Variants in CEP70 observed in about 807,000 individuals in gnomAD.
CEP70 encodes centrosomal protein of 70 kDa.
Under a neutral mutation model 90.9 loss-of-function variants are expected in CEP70, and 70 were observed. The observed-to-expected ratio is 0.77, with a 90% CI of 0.64 to 0.94. The LOEUF (loss-of-function observed/expected upper bound fraction) is 0.94. Among genes scored for constraint, CEP70 ranks in the 40% least tolerant of loss-of-function variants. The pLI is 0.00. For synonymous variants in CEP70, 220 were observed against 228.3 expected (o/e 0.96, Z 0.33); for missense variants, 648 against 669.0 (o/e 0.97, Z 0.35).
chr3:138,525,444 TA>T (rs780083039), intron 11 of CEP70, 45 bp downstream of exon 11: 5 of 703,628 alleles, frequency 7.1e-6, no homozygotes, highest in East Asian at 3.1e-5. Context: ...ATAAATAAAA[TA>T]AAAAATCCTA....
rs140361524 is a variant in CEP70, at chr3:138,532,549, G to T, written c.657C>A (p.Tyr219Ter). The T allele has an allele frequency of 6.6e-7, 1 of 1,508,128 alleles. No homozygotes were observed. The highest frequency in any genetic ancestry group is 8.9e-7 in the Non-Finnish European group (1 of 1,127,148). 93.4% of individuals were successfully genotyped at this position (1,508,128 alleles called of 1,614,324 possible). ...LDRQLLCLID[Y>*]YESKIRKIHT... ...GAATTTTTCTAATTTTAGATTCATA[G>T]TAATCAATTAGACAAAGCAACCTAG... is the stretch of plus-strand genomic sequence containing the variant. Residue 219 changes from tyrosine to a stop codon, truncating the protein, a stop_gained, in exon 8 of 18, where the codon TAC becomes TAA. Coordinates refer to ENST00000264982, the MANE Select transcript of CEP70 (RefSeq NM_024491.4). LOFTEE classifies it high-confidence loss of function.
At chr3:138,532,730 A>G (rs1435517062) in intron 7 of CEP70, among the ~76,000 whole-genome samples, 160 bp from the exon 8 acceptor site, 2 of 152,254 alleles carry the variant, frequency 1.3e-5, no homozygotes, top group African/African-American at 2.4e-5. Flanking sequence ...CAAATACTAT[A>G]CTAAGTCATA....
intron 6 of CEP70, among the ~76,000 whole-genome samples, chr3:138,546,123 T>C (rs1019646160): frequency 1.3e-5 from 2 of 152,136 alleles, no homozygotes; most frequent in Non-Finnish European, 1.5e-5. Flanking sequence ...GCTCAGGACA[T>C]CATGGACCTA....
chr3:138,585,092 T>C (rs2042047122), intron 2 of CEP70, among the ~76,000 whole-genome samples: 2 of 152,112 alleles, frequency 1.3e-5, no homozygotes, highest in Admixed American at 6.6e-5. Flanking sequence ...CATCAAAATT[T>C]GAAATCAAAT....
Position 138,537,251 on chromosome 3 carries a change from C to T in CEP70, c.562G>A (p.Asp188Asn), listed in dbSNP as rs368223946. ...EVCRLKKEEE[D>N]RIVTQNRVFA... ...ACTCTGTTTTGAGTGACAATGCGAT[C>T]TTCTTCCTCCTTTTTTAATCTACAG... Residue 188 changes from aspartate to asparagine, a missense_variant, in exon 7 of 18, where the codon GAT becomes AAT. Coordinates refer to ENST00000264982, the MANE Select transcript of CEP70 (RefSeq NM_024491.4). 2.5e-6 allele frequency: 4 copies of T among 1,607,670 alleles called. No individual in the cohort carries two copies. The African/African-American group carries it at 4.0e-5, about 16-fold the overall frequency.
At chr3:138,513,115 T>A (rs537464105) in intron 11 of CEP70, among the ~76,000 whole-genome samples, 2 of 152,298 alleles carry the variant, frequency 1.3e-5, no homozygotes, top group East Asian at 1.9e-4. Flanking sequence ...CACAGGTAAT[T>A]ACAAAGGCTC....
chr3:138,508,550 AGGGGG>A lies in CEP70; in HGVS notation c.945-11_945-7del. 1 of 1,553,632 alleles carries A rather than the reference AGGGGG, an allele frequency of 6.4e-7. No individual in the cohort carries two copies. Among genetic ancestry groups the A allele is most frequent in the Admixed American group, 1.7e-5 (1 of 59,860 alleles). On this transcript the variant is annotated splice_region_variant and splice_polypyrimidine_tract_variant and intron_variant, in intron 11 of 17. Transcript: ENST00000264982. ...GATTAATAAGCTCCTGTAATCTAAA[AGGGGG>A]AAAAAAATCAAGATAATACAAAATT... is the stretch of plus-strand genomic sequence containing the variant.
At chr3:138,566,670 G>A (rs1319585254) in intron 6 of CEP70, among the ~76,000 whole-genome samples, 2 of 152,038 alleles carry the variant, frequency 1.3e-5, no homozygotes, top group Non-Finnish European at 2.9e-5. Context: ...GGGGCTTGGG[G>A]GCTAGGGGAG....
rs1374865437 is a variant in CEP70 at position 138,591,936 on chromosome 3, T to A, written c.-88A>T. On this transcript the variant is annotated 5_prime_UTR_variant, in exon 2 of 18. The change abolishes an upstream ATG in the 5' untranslated region. Coordinates refer to ENST00000264982, the MANE Select transcript of CEP70 (RefSeq NM_024491.4). ...TGAAATGATCACCCAACGAGTCTCA[T>A]GTCTGAAACTGGATCTTCATCTAGG... 3 of 1,110,440 alleles carry A rather than the reference T, an allele frequency of 2.7e-6. No homozygotes were observed. The African/African-American group carries it at 4.9e-5, about 18-fold the overall frequency. The allele number at this position is 1,110,440 out of a possible 1,614,324, so 68.8% of individuals were successfully genotyped here.
intron 11 of CEP70, among the ~76,000 whole-genome samples, chr3:138,517,874 C>T (rs532599498): frequency 3.9e-5 from 6 of 152,300 alleles, no homozygotes; most frequent in African/African-American, 1.4e-4. Context: ...TGAGCCGAAG[C>T]AGGGCAAGGC....
intron 6 of CEP70, among the ~76,000 whole-genome samples, chr3:138,540,077 A>T (rs1254109404): frequency 1.3e-5 from 2 of 152,250 alleles, no homozygotes. Flanking sequence ...CAAAGGTCTA[A>T]CGGCCAGCAT....
At position 138,556,247 on chromosome 3, in the gene CEP70, G is replaced by A. The variant is rs115742003; in HGVS notation, c.465+14071C>T. ...TGCAAAGGCATGAGAAAGATACAAC[G>A]GGCCGGGCACGGTGGCTCACGCCTG... On this transcript the variant is annotated intron_variant, in intron 6 of 17. Transcript: ENST00000264982. Among the ~76,000 whole-genome samples the A allele has an allele frequency of 7.2e-5, 11 of 152,230 alleles. No individual in the cohort carries two copies. In the East Asian group the frequency reaches 9.6e-4, roughly 13 times the overall value.
intron 17 of CEP70, chr3:138,495,829 G>A: frequency 4.2e-6 from 4 of 950,304 alleles, no homozygotes; most frequent in Non-Finnish European, 5.0e-6. Flanking sequence ...TCTGGCCTGG[G>A]TGACAGAGAG....
At chr3:138,524,168 C>T (rs1309775756) in intron 11 of CEP70, among the ~76,000 whole-genome samples, 1 of 151,118 alleles carries the variant, frequency 6.6e-6, no homozygotes, top group Non-Finnish European at 1.5e-5. Flanking sequence ...AACTGGCTAG[C>T]CATATGTAGA....
chr3:138,567,769 C>T (rs1240401927), intron 6 of CEP70, among the ~76,000 whole-genome samples: 1 of 152,176 alleles, frequency 6.6e-6, no homozygotes, highest in Non-Finnish European at 1.5e-5. Context: ...CTAGCAACCT[C>T]TTTAAGCCCA....
At chr3:138,523,787 T>C (rs2036930107) in intron 11 of CEP70, among the ~76,000 whole-genome samples, 1 of 151,962 alleles carries the variant, frequency 6.6e-6, no homozygotes, top group African/African-American at 2.4e-5. Flanking sequence ...ATCGTGAAAA[T>C]GGCCATACTA....
In CEP70 at chr3:138,571,275, C is replaced by T; in HGVS notation, c.151G>A (p.Asp51Asn). The T allele has an allele frequency of 6.2e-7, 1 of 1,606,332 alleles. No individual in the cohort carries two copies. Among genetic ancestry groups the T allele is most frequent in the African/African-American group, 1.3e-5 (1 of 74,762 alleles). Reference sequence around the variant, plus strand: ...AATAGGATCTAATTACCTTTGAGATCTGTTCTTTTGACTAGAGACAAAGGT... The same window carrying T: ...AATAGGATCTAATTACCTTTGAGATTTGTTCTTTTGACTAGAGACAAAGGT... Reference protein sequence around the residue: ...LKPLSLVKRTDLKDLIIFDKQ... With the variant: ...LKPLSLVKRTNLKDLIIFDKQ... Residue 51 changes from aspartate to asparagine, a missense_variant, in exon 4 of 18, where the codon GAT (aspartate) becomes AAT (asparagine). By Grantham distance (23) the Asp-to-Asn change is conservative (BLOSUM62 1). Transcript: ENST00000264982.
At chr3:138,566,242 T>C (rs2040779660) in intron 6 of CEP70, among the ~76,000 whole-genome samples, 1 of 152,120 alleles carries the variant, frequency 6.6e-6, no homozygotes, top group Admixed American at 6.6e-5. Context: ...TGTAAATTAG[T>C]TCAACCATTG....
At chr3:138,516,773 CAG>C (rs935486406) in intron 11 of CEP70, among the ~76,000 whole-genome samples, 2 of 152,012 alleles carry the variant, frequency 1.3e-5, no homozygotes, top group African/African-American at 2.4e-5. Flanking sequence ...AAGGAGGAAA[CAG>C]AGCTGTCGCT....
Sources: gnomAD v4.1 joint callset for allele counts (sites outside exome capture counted in the v4.1 genomes callset) on GRCh38, gnomAD v4.1.1 for gene constraint, MANE v1.5 for transcripts, NCBI Gene and HGNC (gene_info 2026-07-23, HGNC 2026-07-21) for gene names.